The following BDP1 variants were observed in gnomAD, a reference collection of about 807,000 sequenced individuals.
BDP1 encodes the protein transcription factor TFIIIB component B'' homolog.
In BDP1, 169 loss-of-function variants were observed where a neutral mutation model predicts 266.6. That is an observed-to-expected ratio of 0.63 (90% CI 0.56 to 0.72). The LOEUF (loss-of-function observed/expected upper bound fraction) is 0.72. Among genes scored for constraint, BDP1 ranks in the 30% least tolerant of loss-of-function variants. The pLI is 0.00. For synonymous variants in BDP1, 1,090 were observed against 1,022.4 expected (o/e 1.07, Z -1.26); for missense variants, 3,015 against 3,053.8 (o/e 0.99, Z 0.30).
chr5:71,541,511 G>A lies in BDP1; in HGVS notation c.6080G>A (p.Ser2027Asn). ...AAGGATAAAAGCCATATTCCTTCTA[G>A]CCTAGATAATGTAAATCACAAAATT... ...HSKDKSHIPS[S>N]LDNVNHKIVH... The change falls in exon 29 of 39, where the codon AGC becomes AAC. Residue 2027 changes from serine to asparagine, a missense_variant. Transcript: ENST00000358731. The A allele has an allele frequency of 6.2e-7, 1 of 1,607,026 alleles. No homozygotes were observed. The highest frequency in any genetic ancestry group is 1.1e-5 in the South Asian group (1 of 90,710).
rs1193928499 is a variant in BDP1, at chr5:71,471,169, G to T, written c.1014+680G>T. Among the ~76,000 whole-genome samples the T allele has an allele frequency of 2.2e-4, 30 of 133,342 alleles. 1 individual carries two copies. The highest frequency in any genetic ancestry group is 8.0e-4 in the African/African-American group (28 of 34,886). 87.5% of individuals were successfully genotyped at this position (133,342 alleles called of 152,430 possible). ...TTTTTTTTTTTTTTTTTGAGATGGA[G>T]TCTCGCTCTGTTGCCCAGGCTGGAG... On this transcript the variant is annotated intron_variant, in intron 7 of 38. Transcript: ENST00000358731.
rs200746212 is a variant in BDP1 at position 71,541,474 on chromosome 5, C to G, written c.6043C>G (p.His2015Asp). The change falls in exon 29 of 39, where the codon CAT becomes GAT. Residue 2015 changes from histidine to aspartate, a missense_variant. Around this residue, in one of 3 missense-constraint regions of BDP1, gnomAD observed 2,383 missense variants for 2,404.9 expected, o/e 0.99. Transcript: ENST00000358731. Reference protein sequence around the residue: ...QGDVGVCIIPHVHSKDKSHIP... With the variant: ...QGDVGVCIIPDVHSKDKSHIP... ...TTCAGTAGGAGTATGTATAATTCCT[C>G]ATGTTCATTCAAAGGATAAAAGCCA... 1.7e-4 allele frequency: 252 copies of G among 1,477,106 alleles called. No individual in the cohort carries two copies. The highest frequency in any genetic ancestry group is 2.1e-4 in the Non-Finnish European group (230 of 1,076,138). 91.5% of individuals were successfully genotyped at this position (1,477,106 alleles called of 1,614,324 possible). A position where few individuals can be genotyped will look rare whatever the true frequency, so the allele number is the denominator to read the frequency against.
chr5:71,497,426 G>C lies in BDP1; in HGVS notation c.1956G>C (p.Lys652Asn). The C allele has an allele frequency of 6.2e-7, 1 of 1,607,030 alleles. No individual in the cohort carries two copies. The highest frequency in any genetic ancestry group is 8.5e-7 in the Non-Finnish European group (1 of 1,177,324). ...CACATTCAAAAACTTCAGTTGAAAA[G>C]GTATGGGGTAAGAGATTTCATGGAA... ...KNSHSKTSVE[K>N]NHVEKDKMNT... Residue 652 changes from lysine (K) to asparagine (N), a missense_variant and splice_region_variant, in exon 13 of 39, where the codon AAG (lysine) becomes AAC (asparagine). Transcript: ENST00000358731.
chr5:71,514,483 AT>A (rs1452531002), intron 19 of BDP1, among the ~76,000 whole-genome samples: 1 of 152,210 alleles, frequency 6.6e-6, no homozygotes, highest in Non-Finnish European at 1.5e-5. Flanking sequence ...TCTTACAGTT[AT>A]AAAATGATAA....
Position 71,562,537 on chromosome 5 carries a change from G to C in BDP1, c.7743+17G>C. ...GCAACTCAGGTATGTGATAACTACT[G>C]TATTTTATAGTTTGTATGAGATGGG... On this transcript the variant is annotated intron_variant, in intron 38 of 38. Coordinates refer to ENST00000358731, the MANE Select transcript of BDP1 (RefSeq NM_018429.3). The C allele has an allele frequency of 6.2e-7, 1 of 1,606,136 alleles. No homozygotes were observed. The highest frequency in any genetic ancestry group is 8.5e-7 in the Non-Finnish European group (1 of 1,176,416).
chr5:71,515,723 T>C (rs1765180807), intron 20 of BDP1, among the ~76,000 whole-genome samples: 1 of 152,110 alleles, frequency 6.6e-6, no homozygotes, highest in Non-Finnish European at 1.5e-5. Flanking sequence ...GCCACCACCA[T>C]TCATCTCTAG....
intron 22 of BDP1, among the ~76,000 whole-genome samples, chr5:71,518,743 G>A (rs182230284): frequency 4.0e-5 from 6 of 151,740 alleles, no homozygotes; most frequent in Non-Finnish European, 7.4e-5. Context: ...GTGAGCCACC[G>A]TGCCCGACCT....
Position 71,516,084 on chromosome 5 carries a change from A to G in BDP1, c.4673A>G (p.Gln1558Arg). The change falls in exon 21 of 39, where the codon CAG (glutamine) becomes CGG (arginine). Residue 1558 changes from glutamine (Q) to arginine (R), a missense_variant. Around this residue, in one of 3 missense-constraint regions of BDP1, gnomAD observed 2,383 missense variants for 2,404.9 expected, o/e 0.99. Coordinates refer to ENST00000358731, the MANE Select transcript of BDP1 (RefSeq NM_018429.3). ...AGGACTAATAATGTAAACACTTTCCAGCAAGAAATGAAGGAAAGTGTTATC... is the reference window on the plus strand; with the variant it reads ...AGGACTAATAATGTAAACACTTTCCGGCAAGAAATGAAGGAAAGTGTTATC... ...SVGTNNVNTF[Q>R]QEMKESVIQT... is the part of the protein sequence containing the mutation. The G allele has an allele frequency of 6.2e-7, 1 of 1,608,610 alleles. No individual in the cohort carries two copies. The highest frequency in any genetic ancestry group is 8.5e-7 in the Non-Finnish European group (1 of 1,177,128).
intron 34 of BDP1, among the ~76,000 whole-genome samples, chr5:71,551,101 A>G (rs1275092625): frequency 1.3e-4 from 1 of 7,736 alleles, no homozygotes; most frequent in South Asian, 7.7e-3. Flanking sequence ...TTAGTTGTTT[A>G]TTTATTTATT....
intron 4 of BDP1, among the ~76,000 whole-genome samples, chr5:71,465,279 A>G (rs1453104770): frequency 6.6e-6 from 1 of 151,870 alleles, no homozygotes; most frequent in Non-Finnish European, 1.5e-5. Context: ...AAGCATTATT[A>G]TTATTATTAT....
At chr5:71,487,855 A>T (rs1405683107) in intron 9 of BDP1, among the ~76,000 whole-genome samples, 1 of 152,206 alleles carries the variant, frequency 6.6e-6, no homozygotes, top group Non-Finnish European at 1.5e-5. Flanking sequence ...CCTTCCCAGA[A>T]CCAAATTCTG....
At position 71,524,198 on chromosome 5, in the gene BDP1, TCTGA is replaced by T; in HGVS notation, c.5650_5653del (p.Asp1884MetfsTer13). ...AGATGATGATGCTGACGATTTTGAG[TCTGA>T]CTATGAGGAAGAAAGCTATCATCTT... On this transcript the variant is annotated frameshift_variant, in exon 25 of 39. Transcript: ENST00000358731. LOFTEE classifies it high-confidence loss of function. 1 of 1,614,130 alleles carries T rather than the reference TCTGA, an allele frequency of 6.2e-7. No homozygotes were observed. The highest frequency in any genetic ancestry group is 8.5e-7 in the Non-Finnish European group (1 of 1,180,028).
rs1240704980 is a variant in BDP1 at position 71,545,137 on chromosome 5, G to A, written c.6662G>A (p.Arg2221Lys). 3 of 1,613,808 alleles carry A rather than the reference G, an allele frequency of 1.9e-6. No homozygotes were observed. Among genetic ancestry groups the A allele is most frequent in the East Asian group, 4.5e-5 (2 of 44,848 alleles). ...GGGCCCTGCACACTTGGTTTGGATA[G>A]GGGTCTTGGTGAAAATTCTGTTGAA... is the stretch of plus-strand genomic sequence containing the variant. ...ETGPCTLGLD[R>K]GLGENSVEEP... Residue 2221 changes from arginine (R) to lysine (K), a missense_variant, in exon 32 of 39, where the codon AGG becomes AAG. Coordinates refer to ENST00000358731, the MANE Select transcript of BDP1 (RefSeq NM_018429.3).
At chr5:71,568,296 C>G (rs1445884363), downstream of BDP1, among the ~76,000 whole-genome samples, 1 of 152,174 alleles carries the variant, frequency 6.6e-6, no homozygotes, top group Non-Finnish European at 1.5e-5. Flanking sequence ...GCTGGAGAGC[C>G]CTGTCTTACA....
intron 13 of BDP1, among the ~76,000 whole-genome samples, chr5:71,501,142 AT>A (rs1764207827): frequency 6.6e-6 from 1 of 151,964 alleles, no homozygotes; most frequent in Non-Finnish European, 1.5e-5. Flanking sequence ...TTTTTAGAAA[AT>A]CTCCTCTAGT....
the BDP1 span, among the ~76,000 whole-genome samples, chr5:71,573,224 T>C: frequency 8.8e-5 from 11 of 124,812 alleles, no homozygotes; most frequent in East Asian, 2.1e-3. Flanking sequence ...CGAGACTCTG[T>C]TTCAAAAAAA....
the BDP1 span, among the ~76,000 whole-genome samples, chr5:71,574,456 G>A: frequency 9.9e-5 from 15 of 152,068 alleles, no homozygotes; most frequent in African/African-American, 2.7e-4. Flanking sequence ...ATGGGTTCCC[G>A]GAGGCACATT....
chr5:71,504,572 T>A (rs1017071399), intron 15 of BDP1, 49 bp from the exon 16 acceptor site: 2 of 1,528,622 alleles, frequency 1.3e-6, no homozygotes, highest in African/African-American at 1.4e-5. Context: ...AAATCTGTTA[T>A]GCCTCATTGT....
At chr5:71,459,505 G>C (rs1355138629) in intron 2 of BDP1, among the ~76,000 whole-genome samples, 1 of 152,010 alleles carries the variant, frequency 6.6e-6, no homozygotes, top group Non-Finnish European at 1.5e-5. Flanking sequence ...GAGTGAAACT[G>C]TCTCCAAAAA....
Sources: gnomAD v4.1 joint callset for allele counts (sites outside exome capture counted in the v4.1 genomes callset) on GRCh38, gnomAD v4.1.1 for gene constraint, gnomAD v4.1.1 regional missense constraint, MANE v1.5 for transcripts, NCBI Gene and HGNC (gene_info 2026-07-23, HGNC 2026-07-21) for gene names.